The following NTRK2 variants were observed in gnomAD, a reference collection of about 807,000 sequenced individuals.
NTRK2 encodes BDNF/NT-3 growth factors receptor.
NTRK2 carries 13 observed loss-of-function variants against 94.5 expected under a neutral mutation model. The observed-to-expected ratio is 0.14, with a 90% CI of 0.09 to 0.22. NTRK2 has a LOEUF of 0.22. NTRK2 is among the 10% of genes least tolerant of loss of function. The pLI is 1.00. For synonymous variants in NTRK2, 372 were observed against 407.4 expected (o/e 0.91, Z 1.05); for missense variants, 639 against 1,071.2 (o/e 0.60, Z 5.63).
intron 17 of NTRK2, among the ~76,000 whole-genome samples, chr9:85,019,131 T>C (rs957316814): frequency 1.3e-5 from 2 of 152,212 alleles, no homozygotes; most frequent in Non-Finnish European, 2.9e-5. Flanking sequence ...CAGACACTAT[T>C]AGTTTATTTT....
At chr9:84,982,059 A>G (rs553985368) in intron 17 of NTRK2, among the ~76,000 whole-genome samples, 17 of 152,348 alleles carry the variant, frequency 1.1e-4, no homozygotes, top group South Asian at 1.0e-3. Context: ...ATATTCTGCA[A>G]GTTTTAGTAC....
Position 84,864,736 on chromosome 9 carries a change from CTTTTTT to C in NTRK2, c.1445-2490_1445-2485del, listed in dbSNP as rs71369154. ...CCTTAGCATAACACATCTTAATTTT[CTTTTTT>C]TTTTTTTTTTTTTTTTGAAACTGAG... On this transcript the variant is annotated intron_variant, in intron 13 of 18. Transcript: ENST00000277120. 2.7e-3 allele frequency among the ~76,000 whole-genome samples: 282 copies of C among 104,606 alleles called. 1 individual carries two copies. Among genetic ancestry groups the C allele is most frequent in the South Asian group, 7.2e-3 (20 of 2,796 alleles). The allele number at this position is 104,606 out of a possible 152,430, so 68.6% of individuals were successfully genotyped here.
chr9:84,934,482 T>C (rs920641793), intron 15 of NTRK2, among the ~76,000 whole-genome samples, 190 bp downstream of exon 15: 2 of 152,214 alleles, frequency 1.3e-5, no homozygotes, highest in Non-Finnish European at 2.9e-5. Flanking sequence ...TGTCAGAGGT[T>C]CTTCTCAGTG....
At chr9:84,741,840 T>G in intron 9 of NTRK2, 52 bp from the exon 10 acceptor site, 1 of 1,549,934 alleles carries the variant, frequency 6.5e-7, no homozygotes, top group African/African-American at 1.4e-5. Flanking sequence ...GTTAGTAATT[T>G]TTTGACTCCA....
At chr9:84,744,123 G>C (rs1354599740) in intron 10 of NTRK2, among the ~76,000 whole-genome samples, 1 of 152,024 alleles carries the variant, frequency 6.6e-6, no homozygotes, top group East Asian at 1.9e-4. Context: ...CTCATTGTTT[G>C]CAATAAGTTT....
chr9:84,682,886 C>T (rs555352896), intron 2 of NTRK2, among the ~76,000 whole-genome samples: 2 of 152,246 alleles, frequency 1.3e-5, no homozygotes, highest in South Asian at 2.1e-4. Flanking sequence ...CACAGAAATC[C>T]ACTGGATGAA....
chr9:84,817,832 C>T (rs1439502515), intron 12 of NTRK2, among the ~76,000 whole-genome samples: 3 of 152,150 alleles, frequency 2.0e-5, no homozygotes, highest in African/African-American at 7.2e-5. Context: ...CTCTAGAAGG[C>T]CACACATGAT....
intron 12 of NTRK2, chr9:84,815,534 T>TTC: frequency 9.8e-7 from 1 of 1,021,960 alleles, no homozygotes; most frequent in Non-Finnish European, 1.2e-6. Flanking sequence ...TTTTTTTTTT[T>TTC]CCTATAATGT....
chr9:84,807,066 T>G (rs547812229), intron 12 of NTRK2, among the ~76,000 whole-genome samples: 2 of 152,350 alleles, frequency 1.3e-5, no homozygotes, highest in African/African-American at 2.4e-5. Context: ...ATTTGCTTTT[T>G]TAGATAGCAG....
chr9:84,952,477 CT>C (rs1564496587), intron 16 of NTRK2, among the ~76,000 whole-genome samples: 2 of 152,154 alleles, frequency 1.3e-5, no homozygotes, highest in East Asian at 3.8e-4. Flanking sequence ...TAAGGAATGT[CT>C]TCCTGGAAGA....
intron 14 of NTRK2, among the ~76,000 whole-genome samples, chr9:84,893,615 G>T (rs2076660781): frequency 6.6e-6 from 1 of 152,180 alleles, no homozygotes; most frequent in African/African-American, 2.4e-5. Flanking sequence ...GACGCTGTGT[G>T]TTTATTAGGA....
intron 14 of NTRK2, among the ~76,000 whole-genome samples, chr9:84,924,073 G>A (rs922429779): frequency 6.6e-6 from 1 of 151,952 alleles, no homozygotes; most frequent in African/African-American, 2.4e-5. Flanking sequence ...TATGGCTGGC[G>A]TGGTGGCACG....
intron 12 of NTRK2, among the ~76,000 whole-genome samples, chr9:84,826,406 G>A (rs763467583): frequency 2.0e-5 from 3 of 152,116 alleles, no homozygotes; most frequent in African/African-American, 4.8e-5. Context: ...CTAAATCCAC[G>A]ATAATCTCAT....
chr9:84,795,500 T>C (rs1281027547), intron 12 of NTRK2, among the ~76,000 whole-genome samples: 2 of 152,086 alleles, frequency 1.3e-5, no homozygotes, highest in Non-Finnish European at 2.9e-5. Flanking sequence ...CACAGTGCAG[T>C]CTTTCTTCTT....
intron 12 of NTRK2, among the ~76,000 whole-genome samples, chr9:84,800,898 C>T (rs901681583): frequency 1.3e-5 from 2 of 152,282 alleles, no homozygotes; most frequent in Middle Eastern, 3.4e-3. Context: ...TGGGGCCACT[C>T]TTTCAGTTTG....
At chr9:84,698,133 ATGTG>A (rs202149031) in intron 2 of NTRK2, among the ~76,000 whole-genome samples, 2 of 150,014 alleles carry the variant, frequency 1.3e-5, no homozygotes. Flanking sequence ...GTTTCTGTGT[ATGTG>A]TGTGTGTGTG....
chr9:84,903,170 C>T (rs1379425889), intron 14 of NTRK2, among the ~76,000 whole-genome samples: 1 of 152,102 alleles, frequency 6.6e-6, no homozygotes, highest in Non-Finnish European at 1.5e-5. Context: ...TGAAATAATA[C>T]AGTGCAGATG....
chr9:84,917,520 G>A (rs1000357619), intron 14 of NTRK2, among the ~76,000 whole-genome samples: 2 of 152,104 alleles, frequency 1.3e-5, no homozygotes, highest in South Asian at 2.1e-4. Context: ...GACAGTGATC[G>A]AGTTTGTCCA....
At chr9:84,942,148 C>T (rs547997061) in intron 15 of NTRK2, among the ~76,000 whole-genome samples, 1 of 152,328 alleles carries the variant, frequency 6.6e-6, no homozygotes, top group South Asian at 2.1e-4. Flanking sequence ...TCATTATCCT[C>T]TTCATACAAT....
Sources: gnomAD v4.1 joint callset for allele counts (sites outside exome capture counted in the v4.1 genomes callset) on GRCh38, gnomAD v4.1.1 for gene constraint, MANE v1.5 for transcripts, NCBI Gene and HGNC (gene_info 2026-07-23, HGNC 2026-07-21) for gene names.